The following STK16 variants were observed in gnomAD, a reference collection of about 807,000 sequenced individuals.
STK16 encodes serine/threonine-protein kinase 16.
STK16 carries 28 observed loss-of-function variants against 37.8 expected under a neutral mutation model. The ratio of observed to expected loss-of-function variants is 0.74; its 90% CI spans 0.55 to 1.02. The LOEUF (loss-of-function observed/expected upper bound fraction) is 1.02. Ranked by LOEUF, STK16 falls within the 50% of genes least tolerant of loss-of-function variation. The probability of loss-of-function intolerance (pLI) is 0.00; values close to 1 mark genes in which losing one functional copy is unlikely to be tolerated. For missense variants in STK16, 349 were observed against 390.6 expected, an observed-to-expected ratio of 0.89 and a Z score of 0.90; for synonymous variants, 134 against 155.0, an observed-to-expected ratio of 0.86 and a Z score of 1.01.
Position 219,247,625 on chromosome 2 carries a change from T to C in STK16, c.562-37T>C, listed in dbSNP as rs1400289484. 3.1e-6 allele frequency: 5 copies of C among 1,613,362 alleles called. No homozygotes were observed. In the East Asian group the frequency reaches 8.9e-5, roughly 29 times the overall value. The stretch of plus-strand genomic sequence containing the variant: ...CCAGTTTGGTCACATGACCATGACC[T>C]GTGCCCCACTTTTGAGCTCTGGGAT... On this transcript the variant is annotated intron_variant, in intron 5 of 7. Coordinates refer to ENST00000396738, the MANE Select transcript of STK16 (RefSeq NM_001330213.2).
At position 219,249,126 on chromosome 2, in the gene STK16, A is replaced by C. The variant is rs1951601072; in HGVS notation, c.*567A>C. The C allele has an allele frequency of 6.6e-6, 1 of 152,448 alleles. No homozygotes were observed. Among genetic ancestry groups the C allele is most frequent in the Non-Finnish European group, 1.5e-5 (1 of 68,158 alleles). The allele number at this position is 152,448 out of a possible 1,614,324, so 9.4% of individuals were successfully genotyped here. ...AAGCTGGCATCTGCCTGTGTCAAGAACTAGGGCCCCCTAAAAACACTCAAC... is the reference window on the plus strand; with the variant it reads ...AAGCTGGCATCTGCCTGTGTCAAGACCTAGGGCCCCCTAAAAACACTCAAC... On this transcript the variant is annotated 3_prime_UTR_variant, in exon 8 of 8. Transcript: ENST00000396738.
In STK16 at chr2:219,247,529, C is replaced by A. The variant is rs55853539; in HGVS notation, c.555C>A (p.Thr185=). 345 of 1,614,052 alleles carry A rather than the reference C, an allele frequency of 2.1e-4. 1 individual carries two copies. Among genetic ancestry groups the A allele is most frequent in the Non-Finnish European group, 2.8e-4 (330 of 1,180,036 alleles). Residue 185 remains threonine, a synonymous_variant, in exon 5 of 8, where the codon ACC becomes ACA. Transcript: ENST00000396738. ...IHVEGSRQAL[T]LQDWAAQRCT... is the part of the protein sequence containing the mutation. Reference sequence around the variant, plus strand: ...TGGAGGGCTCCCGCCAGGCTCTGACCCTGCAGGTAAAAGAGTCTCCAGGTT... The same window carrying A: ...TGGAGGGCTCCCGCCAGGCTCTGACACTGCAGGTAAAAGAGTCTCCAGGTT...
chr2:219,249,013 CA>C lies in STK16; in HGVS notation c.*456del, dbSNP rs1951599572. On this transcript the variant is annotated 3_prime_UTR_variant, in exon 8 of 8. Coordinates refer to ENST00000396738, the MANE Select transcript of STK16 (RefSeq NM_001330213.2). ...GGAAGGAGGAATGGTGCAGAGTCGG[CA>C]ATGGTGTGACTTCATTCTACAGGAG... The C allele has an allele frequency of 6.2e-6, 1 of 160,280 alleles. No individual in the cohort carries two copies. The highest frequency in any genetic ancestry group is 1.6e-4 in the South Asian group (1 of 6,230). 9.9% of individuals were successfully genotyped at this position (160,280 alleles called of 1,614,324 possible). A position where few individuals can be genotyped will look rare whatever the true frequency, so the allele number is the denominator to read the frequency against.
rs1252270381 is a variant in STK16 at position 219,245,494 on chromosome 2, C to T, written c.-407C>T. On this transcript the variant is annotated 5_prime_UTR_variant, in exon 1 of 8. Coordinates refer to ENST00000396738, the MANE Select transcript of STK16 (RefSeq NM_001330213.2). ...TGATGATGTCAGCACTGCTTCCGGT[C>T]GGTGGCGCTTCTCTCTGGCCCGAGC... 6.5e-6 allele frequency: 1 copy of T among 153,048 alleles called. No homozygotes were observed. Among genetic ancestry groups the T allele is most frequent in the East Asian group, 1.9e-4 (1 of 5,194 alleles). The allele number at this position is 153,048 out of a possible 1,614,324, so 9.5% of individuals were successfully genotyped here.
rs1276905858 is a variant in STK16 at position 219,246,456 on chromosome 2, G to C, written c.87-201G>C. The C allele has an allele frequency of 7.8e-6, 5 of 638,926 alleles. No individual in the cohort carries two copies. The highest frequency in any genetic ancestry group is 7.6e-5 in the Admixed American group (3 of 39,250). The allele number at this position is 638,926 out of a possible 1,614,324, so 39.6% of individuals were successfully genotyped here. ...TGTCAAGTGCAGAGGTCTCTATTAC[G>C]ACCATAGGACCTCAAAGATTTCTAT... On this transcript the variant is annotated intron_variant, in intron 2 of 7. Coordinates refer to ENST00000396738, the MANE Select transcript of STK16 (RefSeq NM_001330213.2). This position sits in a 1 kb window ranked among gnomAD's most constrained non-coding sequence, Gnocchi z 4.5.
Position 219,246,285 on chromosome 2 carries a change from G to GT in STK16, c.86+207dup, listed in dbSNP as rs1483546001. 9 of 600,718 alleles carry GT rather than the reference G, an allele frequency of 1.5e-5. No individual in the cohort carries two copies. Among genetic ancestry groups the GT allele is most frequent in the South Asian group, 4.1e-5 (2 of 49,018 alleles). The allele number at this position is 600,718 out of a possible 1,614,324, so 37.2% of individuals were successfully genotyped here. A position where few individuals can be genotyped will look rare whatever the true frequency, so the allele number is the denominator to read the frequency against. Reference sequence around the variant, plus strand: ...ACCTCGTGTGACCTTGATAAACCATGTTTTTTTCATCAGCTTAATGGAGAT... The same window carrying GT: ...ACCTCGTGTGACCTTGATAAACCATGTTTTTTTTCATCAGCTTAATGGAGAT... On this transcript the variant is annotated intron_variant, in intron 2 of 7. Transcript: ENST00000396738. This position sits in a 1 kb window ranked among gnomAD's most constrained non-coding sequence, Gnocchi z 4.5.
rs1951529577 is a variant in STK16 at position 219,246,352 on chromosome 2, GATA to G, written c.86+270_86+272del. On this transcript the variant is annotated intron_variant, in intron 2 of 7. Transcript: ENST00000396738. This position sits in a 1 kb window ranked among gnomAD's most constrained non-coding sequence, Gnocchi z 4.5. ...TGATGGAGTTGTGAGGATTAAATGA[GATA>G]ATGTGTATAAAATGTCTCACCCAAT... 1.6e-6 allele frequency: 1 copy of G among 606,558 alleles called. No individual in the cohort carries two copies. Among genetic ancestry groups the G allele is most frequent in the East Asian group, 2.8e-5 (1 of 36,232 alleles). The allele number at this position is 606,558 out of a possible 1,614,324, so 37.6% of individuals were successfully genotyped here.
In STK16 at chr2:219,247,064, A is replaced by G. The variant is rs778256421; in HGVS notation, c.307-49A>G. The G allele has an allele frequency of 2.2e-5, 36 of 1,612,502 alleles. 1 individual carries two copies. In the South Asian group the frequency reaches 3.7e-4, roughly 17 times the overall value. The stretch of plus-strand genomic sequence containing the variant: ...CATAGGGAAGGGATCAGGCCTAAGG[A>G]GCAGAGGCTCCAAAAACATCTCCAA... On this transcript the variant is annotated intron_variant, in intron 3 of 7. Coordinates refer to ENST00000396738, the MANE Select transcript of STK16 (RefSeq NM_001330213.2).
In STK16 at chr2:219,247,433, T is replaced by C. The variant is rs1951561317; in HGVS notation, c.459T>C (p.Asn153=). The change falls in exon 5 of 8, where the codon AAT becomes AAC. Residue 153 remains asparagine (N), a synonymous_variant. Coordinates refer to ENST00000396738, the MANE Select transcript of STK16 (RefSeq NM_001330213.2). ...TCTACAGAGACTTGAAGCCCACCAA[T>C]ATATTGCTTGGAGATGAGGGGCAGC... ...GYAHRDLKPT[N]ILLGDEGQPV... 2 of 1,614,042 alleles carry C rather than the reference T, an allele frequency of 1.2e-6. No homozygotes were observed. Among genetic ancestry groups the C allele is most frequent in the African/African-American group, 2.7e-5 (2 of 74,920 alleles).
In STK16 at chr2:219,248,070, G is replaced by T. The variant is rs146629926; in HGVS notation, c.658-123G>T. The T allele has an allele frequency of 3.5e-6, 5 of 1,445,318 alleles. No individual in the cohort carries two copies. The African/African-American group carries it at 7.0e-5, about 20-fold the overall frequency. 89.5% of individuals were successfully genotyped at this position (1,445,318 alleles called of 1,614,324 possible). On this transcript the variant is annotated intron_variant, in intron 6 of 7. Transcript: ENST00000396738. ...CTGGCAGTTTCTCTGGACCCTGGTG[G>T]TGCCATGTGGCTGAGGTCAGCGTAT...
At position 219,250,202 on chromosome 2, in the gene STK16, G is replaced by A; in HGVS notation, c.*1643G>A. On this transcript the variant is annotated 3_prime_UTR_variant, in exon 8 of 8. Coordinates refer to ENST00000396738, the MANE Select transcript of STK16 (RefSeq NM_001330213.2). The surrounding 1 kb of genome is among the most constrained non-coding windows in gnomAD (Gnocchi z 8.4). ...CACCTTCAGCGATGGAAGGGATAAG[G>A]GTCATGAACAGCAAACAGAGCAGCA... 1 of 1,158,594 alleles carries A rather than the reference G, an allele frequency of 8.6e-7. No homozygotes were observed. Among genetic ancestry groups the A allele is most frequent in the Non-Finnish European group, 1.2e-6 (1 of 809,514 alleles). The allele number at this position is 1,158,594 out of a possible 1,614,324, so 71.8% of individuals were successfully genotyped here. A position where few individuals can be genotyped will look rare whatever the true frequency, so the allele number is the denominator to read the frequency against.
Position 219,248,790 on chromosome 2 carries a change from G to C in STK16, c.*231G>C, listed in dbSNP as rs1208811641. On this transcript the variant is annotated 3_prime_UTR_variant, in exon 8 of 8. Coordinates refer to ENST00000396738, the MANE Select transcript of STK16 (RefSeq NM_001330213.2). ...GGTGGGGGTTGGGAAAAGGGAAACTGGTGGGATATGGAACATGGCTCTGAG... is the reference window on the plus strand; with the variant it reads ...GGTGGGGGTTGGGAAAAGGGAAACTCGTGGGATATGGAACATGGCTCTGAG... 15 of 539,660 alleles carry C rather than the reference G, an allele frequency of 2.8e-5. No individual in the cohort carries two copies. The Admixed American group carries it at 4.8e-4, about 17-fold the overall frequency. 33.4% of individuals were successfully genotyped at this position (539,660 alleles called of 1,614,324 possible). A position where few individuals can be genotyped will look rare whatever the true frequency, so the allele number is the denominator to read the frequency against.
rs1951567912 is a variant in STK16, at chr2:219,247,735, T to C, written c.635T>C (p.Ile212Thr). 1 of 1,590,022 alleles carries C rather than the reference T, an allele frequency of 6.3e-7. No individual in the cohort carries two copies. Among genetic ancestry groups the C allele is most frequent in the East Asian group, 2.3e-5 (1 of 43,874 alleles). ...ELFSVQSHCV[I>T]DERTDVWSLG... ...TTCTCTGTGCAGAGTCACTGTGTCATCGATGAGCGGACTGATGTCTGGGTG... is the reference window on the plus strand; with the variant it reads ...TTCTCTGTGCAGAGTCACTGTGTCACCGATGAGCGGACTGATGTCTGGGTG... Residue 212 changes from isoleucine (I) to threonine (T), a missense_variant, in exon 6 of 8, where the codon ATC becomes ACC. Coordinates refer to ENST00000396738, the MANE Select transcript of STK16 (RefSeq NM_001330213.2).
In STK16 at chr2:219,247,289, G is replaced by C. The variant is rs1951557399; in HGVS notation, c.440+43G>C. ...GTGTGCTTGCTGGGGCCCAGAGGAA[G>C]AGCCTCACCAGGAGACATGGGAGGT... On this transcript the variant is annotated intron_variant, in intron 4 of 7. Transcript: ENST00000396738. 2.5e-6 allele frequency: 4 copies of C among 1,612,212 alleles called. No homozygotes were observed. The South Asian group carries it at 4.4e-5, about 18-fold the overall frequency.
rs1559270556 is a variant in STK16, at chr2:219,245,479, AG to A, written c.-421del. ...TACGCCGGCGCGGACTGATGATGTCAGCACTGCTTCCGGTCGGTGGCGCTTC... is the reference window on the plus strand; with the variant it reads ...TACGCCGGCGCGGACTGATGATGTCACACTGCTTCCGGTCGGTGGCGCTTC... On this transcript the variant is annotated 5_prime_UTR_variant, in exon 1 of 8. Transcript: ENST00000396738. The A allele has an allele frequency of 1.3e-5, 2 of 153,008 alleles. No individual in the cohort carries two copies. Among genetic ancestry groups the A allele is most frequent in the Non-Finnish European group, 2.9e-5 (2 of 68,282 alleles). 9.5% of individuals were successfully genotyped at this position (153,008 alleles called of 1,614,324 possible).
At position 219,248,669 on chromosome 2, in the gene STK16, C is replaced by G; in HGVS notation, c.*110C>G. 3 of 1,237,338 alleles carry G rather than the reference C, an allele frequency of 2.4e-6. No homozygotes were observed. The highest frequency in any genetic ancestry group is 3.2e-6 in the Non-Finnish European group (3 of 926,946). 76.6% of individuals were successfully genotyped at this position (1,237,338 alleles called of 1,614,324 possible). ...GGACTTCTCTTACACTTGGGGGTAG[C>G]GGGGTCAGGACAATCATCTCAGTCC... On this transcript the variant is annotated 3_prime_UTR_variant, in exon 8 of 8. Coordinates refer to ENST00000396738, the MANE Select transcript of STK16 (RefSeq NM_001330213.2).
chr2:219,246,822 T>C lies in STK16; in HGVS notation c.252T>C (p.Cys84=). The C allele has an allele frequency of 6.2e-7, 1 of 1,614,092 alleles. No individual in the cohort carries two copies. The highest frequency in any genetic ancestry group is 1.1e-5 in the South Asian group (1 of 91,058). The change falls in exon 3 of 8, where the codon TGT becomes TGC. Residue 84 remains cysteine, a synonymous_variant. Transcript: ENST00000396738. The surrounding 1 kb of genome is among the most constrained non-coding windows in gnomAD (Gnocchi z 4.5). ...HPNILRLVAY[C]LRERGAKHEA... The stretch of plus-strand genomic sequence containing the variant: ...ACATCCTTCGCCTCGTGGCTTACTG[T>C]CTGAGGGAACGGGGTGCTAAGCATG...
In STK16 at chr2:219,246,141, G is replaced by T; in HGVS notation, c.86+56G>T. 6.7e-7 allele frequency: 1 copy of T among 1,501,488 alleles called. No homozygotes were observed. The highest frequency in any genetic ancestry group is 1.1e-5 in the South Asian group (1 of 87,450). 93.0% of individuals were successfully genotyped at this position (1,501,488 alleles called of 1,614,324 possible). A position where few individuals can be genotyped will look rare whatever the true frequency, so the allele number is the denominator to read the frequency against. ...TCAAGTTTATGATCATTGAAGGACA[G>T]CGGTGTGCATATGCTTGGGGCACAA... On this transcript the variant is annotated intron_variant, in intron 2 of 7. Transcript: ENST00000396738. The surrounding 1 kb of genome is among the most constrained non-coding windows in gnomAD (Gnocchi z 4.5).
chr2:219,248,088 C>A, intron 6 of STK16, 105 bp from the exon 7 acceptor site: 1 of 1,526,026 alleles, frequency 6.6e-7, no homozygotes, highest in South Asian at 1.2e-5. Context: ...TGGCTGAGGT[C>A]AGCGTATTCT....
Sources: gnomAD v4.1 joint callset for allele counts on GRCh38, gnomAD v4.1.1 for gene constraint, Gnocchi (gnomAD v3.1) non-coding constraint, MANE v1.5 for transcripts, NCBI Gene and HGNC (gene_info 2026-07-23, HGNC 2026-07-21) for gene names.